The following TMEM132C variants were observed in gnomAD, a reference collection of about 807,000 sequenced individuals.
TMEM132C encodes transmembrane protein 132C, also known as protein phosphatase 1, regulatory subunit 152.
TMEM132C carries 29 observed loss-of-function variants against 61.4 expected under a neutral mutation model. The observed-to-expected ratio is 0.47, with a 90% CI of 0.35 to 0.64. The LOEUF is 0.64. TMEM132C is among the 30% of genes least tolerant of loss of function. The probability of loss-of-function intolerance (pLI) is 0.00; values close to 1 mark genes in which losing one functional copy is unlikely to be tolerated. For missense variants in TMEM132C, 1,408 were observed against 1,476.9 expected (o/e 0.95, Z 0.76); for synonymous variants, 656 against 633.1 (o/e 1.04, Z -0.54).
chr12:128,443,122 C>A (rs557873523), intron 2 of TMEM132C, among the ~76,000 whole-genome samples: 3 of 150,626 alleles, frequency 2.0e-5, no homozygotes, highest in Non-Finnish European at 4.4e-5. Flanking sequence ...TGTGTGTATA[C>A]GTATACATAT....
chr12:128,514,445 A>G (rs1013831215), intron 2 of TMEM132C, among the ~76,000 whole-genome samples: 2 of 152,118 alleles, frequency 1.3e-5, no homozygotes, highest in African/African-American at 4.8e-5. Context: ...CAGATACTGG[A>G]CTTTCTTACA....
At chr12:128,582,821 T>A (rs1014083615) in intron 3 of TMEM132C, among the ~76,000 whole-genome samples, 3 of 152,218 alleles carry the variant, frequency 2.0e-5, no homozygotes, top group African/African-American at 7.2e-5. Context: ...ATACCCAGGC[T>A]GGAGTGCAGT....
chr12:128,318,858 T>C (rs559196016), intron 1 of TMEM132C, among the ~76,000 whole-genome samples: 13 of 152,162 alleles, frequency 8.5e-5, no homozygotes, highest in Non-Finnish European at 1.5e-4. Context: ...AGAAGTAATT[T>C]GTTGCTCCAA....
chr12:128,658,307 C>T (rs949236837), intron 4 of TMEM132C, among the ~76,000 whole-genome samples: 5 of 152,232 alleles, frequency 3.3e-5, no homozygotes, highest in Admixed American at 6.5e-5. Flanking sequence ...TCGCTGCCCT[C>T]TGAATGCTGA....
intron 4 of TMEM132C, among the ~76,000 whole-genome samples, chr12:128,656,380 C>T (rs1031473982): frequency 6.6e-6 from 1 of 152,154 alleles, no homozygotes; most frequent in Non-Finnish European, 1.5e-5. Flanking sequence ...CCAAGTTTGC[C>T]TCATGATCCA....
At position 128,638,833 on chromosome 12, in the gene TMEM132C, GTGA is replaced by G. The variant is rs555970616; in HGVS notation, c.1305+22513_1305+22515del. Reference sequence around the variant, plus strand: ...GATGGTGCTGATGGTAATGATGGTAGTGATGATGATGATGATGGTGATGGTGGT... The same window carrying G: ...GATGGTGCTGATGGTAATGATGGTAGTGATGATGATGATGGTGATGGTGGT... On this transcript the variant is annotated intron_variant, in intron 4 of 8. Coordinates refer to ENST00000435159, the MANE Select transcript of TMEM132C (RefSeq NM_001136103.3). Among the ~76,000 whole-genome samples the G allele has an allele frequency of 7.7e-3, 1,159 of 151,422 alleles. 16 individuals carry two copies. The highest frequency in any genetic ancestry group is 0.025 in the African/African-American group (1,015 of 41,082).
intron 1 of TMEM132C, among the ~76,000 whole-genome samples, chr12:128,357,215 C>A (rs1873535654): frequency 6.6e-6 from 1 of 152,142 alleles, no homozygotes; most frequent in Admixed American, 6.5e-5. Context: ...CAAACTCAGA[C>A]CTTCCTGTCC....
At chr12:128,662,418 A>G (rs748633927) in intron 4 of TMEM132C, among the ~76,000 whole-genome samples, 7 of 152,214 alleles carry the variant, frequency 4.6e-5, no homozygotes, top group African/African-American at 9.6e-5. Context: ...GTTCACAGTC[A>G]AGGAATCTGA....
intron 5 of TMEM132C, among the ~76,000 whole-genome samples, chr12:128,673,200 A>G (rs1954550191): frequency 6.6e-6 from 1 of 152,326 alleles, no homozygotes; most frequent in African/African-American, 2.4e-5. Flanking sequence ...TAGGGCCTTT[A>G]GGAGGTAATT....
At chr12:128,615,196 A>G (rs1025959446) in intron 3 of TMEM132C, among the ~76,000 whole-genome samples, 2 of 152,124 alleles carry the variant, frequency 1.3e-5, no homozygotes, top group African/African-American at 4.8e-5. Flanking sequence ...GAGGGGGTTG[A>G]AGGTGCTATT....
At chr12:128,318,219 A>G (rs866944672) in intron 1 of TMEM132C, among the ~76,000 whole-genome samples, 1 of 152,100 alleles carries the variant, frequency 6.6e-6, no homozygotes, top group African/African-American at 2.4e-5. Context: ...CTAGAGGACC[A>G]GTTTTGAGTT....
chr12:128,579,075 A>T (rs1318476331), intron 3 of TMEM132C, among the ~76,000 whole-genome samples: 1 of 152,214 alleles, frequency 6.6e-6, no homozygotes, highest in Non-Finnish European at 1.5e-5. Context: ...CTAGCACCAC[A>T]CACAAGCGAA....
intron 3 of TMEM132C, among the ~76,000 whole-genome samples, chr12:128,600,759 G>A (rs1320290739): frequency 6.6e-6 from 1 of 152,188 alleles, no homozygotes; most frequent in African/African-American, 2.4e-5. Context: ...ACAATGATGC[G>A]CTTCTGCACC....
At chr12:128,521,623 A>G (rs1436940356) in intron 2 of TMEM132C, among the ~76,000 whole-genome samples, 2 of 152,186 alleles carry the variant, frequency 1.3e-5, no homozygotes, top group Non-Finnish European at 2.9e-5. Flanking sequence ...GTTAGAGACA[A>G]ATCCATCCTT....
rs1871287869 is a variant in TMEM132C at position 128,480,604 on chromosome 12, A to G, written c.975-63353A>G. Among the ~76,000 whole-genome samples, 3 of 152,272 alleles carry G rather than the reference A, an allele frequency of 2.0e-5. No homozygotes were observed. The South Asian group carries it at 6.2e-4, about 32-fold the overall frequency. ...GCACCCCGGGGCCTTCTTGTGGCTG[A>G]AGGGAAAGAACAGCTGTCCTCTGTG... is the stretch of plus-strand genomic sequence containing the variant. On this transcript the variant is annotated intron_variant, in intron 2 of 8. Coordinates refer to ENST00000435159, the MANE Select transcript of TMEM132C (RefSeq NM_001136103.3).
chr12:128,319,370 A>T (rs183127186), intron 1 of TMEM132C, among the ~76,000 whole-genome samples: 1 of 149,596 alleles, frequency 6.7e-6, no homozygotes, highest in African/African-American at 2.4e-5. Flanking sequence ...AGAGAGAGAG[A>T]GACAGAGAGA....
At chr12:128,542,807 G>A (rs1873804772) in intron 2 of TMEM132C, among the ~76,000 whole-genome samples, 2 of 138,650 alleles carry the variant, frequency 1.4e-5, no homozygotes, top group Admixed American at 1.6e-4. Flanking sequence ...GTTGCAATGA[G>A]CCAAGATTGC....
chr12:128,588,388 C>T (rs182632723), intron 3 of TMEM132C, among the ~76,000 whole-genome samples: 185 of 152,278 alleles, frequency 1.2e-3, no homozygotes, highest in Non-Finnish European at 2.1e-3. Flanking sequence ...GCCAAGATCA[C>T]ACCACTACAC....
intron 2 of TMEM132C, among the ~76,000 whole-genome samples, chr12:128,439,399 T>C (rs1869709456): frequency 6.6e-6 from 1 of 152,118 alleles, no homozygotes; most frequent in Admixed American, 6.5e-5. Flanking sequence ...GCTTTTGAAA[T>C]AATGGCCAGA....
Sources: allele counts gnomAD v4.1 joint callset (sites outside exome capture counted in the v4.1 genomes callset), GRCh38; gene constraint gnomAD v4.1.1; transcripts MANE v1.5; gene names NCBI Gene and HGNC (gene_info 2026-07-23, HGNC 2026-07-21).